The following NCOR1 variants were observed in gnomAD, a reference collection of about 807,000 sequenced individuals.
The protein encoded by NCOR1 is protein phosphatase 1, regulatory subunit 109.
Under a neutral mutation model 288.1 loss-of-function variants are expected in NCOR1, and 63 were observed. The observed-to-expected ratio is 0.22, with a 90% CI of 0.18 to 0.27. The LOEUF is 0.27. Among genes scored for constraint, NCOR1 ranks in the 10% least tolerant of loss-of-function variants. The probability of loss-of-function intolerance (pLI) is 1.00; values close to 1 mark genes in which losing one functional copy is unlikely to be tolerated. For missense variants in NCOR1, 2,397 were observed against 3,019.2 expected (o/e 0.79, Z 4.83); for synonymous variants, 1,007 against 1,065.9 (o/e 0.94, Z 1.08).
At chr17:16,187,857 G>A (rs1213630765) in intron 2 of NCOR1, among the ~76,000 whole-genome samples, 1 of 150,076 alleles carries the variant, frequency 6.7e-6, no homozygotes, top group African/African-American at 2.5e-5. Flanking sequence ...CTCTGATTGT[G>A]CCACTGCACT....
intron 9 of NCOR1, among the ~76,000 whole-genome samples, chr17:16,148,612 GA>G (rs796837576): frequency 2.6e-5 from 2 of 77,402 alleles, no homozygotes; most frequent in African/African-American, 4.8e-5. Context: ...ACTTGGAAAG[GA>G]AAAAAAAATA....
intron 11 of NCOR1, among the ~76,000 whole-genome samples, chr17:16,140,916 G>A (rs192607470): frequency 1.1e-4 from 17 of 151,098 alleles, no homozygotes; most frequent in East Asian, 7.8e-4. Flanking sequence ...ACTTGAGCCC[G>A]GGAGGTGAAG....
At chr17:16,178,467 C>T (rs1006530059) in intron 3 of NCOR1, among the ~76,000 whole-genome samples, 2 of 140,574 alleles carry the variant, frequency 1.4e-5, no homozygotes, top group Non-Finnish European at 3.0e-5. Context: ...CCACTGCACT[C>T]CAGCCTGGGC....
chr17:16,143,401 G>A (rs2077419743), intron 11 of NCOR1, among the ~76,000 whole-genome samples: 1 of 152,096 alleles, frequency 6.6e-6, no homozygotes, highest in Non-Finnish European at 1.5e-5. Flanking sequence ...TCTCCTTGCT[G>A]CCAAAGCCAT....
chr17:16,206,313 T>C (rs2091497729), intron 1 of NCOR1, among the ~76,000 whole-genome samples: 1 of 151,164 alleles, frequency 6.6e-6, no homozygotes, highest in Non-Finnish European at 1.5e-5. Context: ...CACACACAAT[T>C]GTTTACAGCT....
intron 44 of NCOR1, among the ~76,000 whole-genome samples, chr17:16,036,081 C>CAAATGTAT (rs1412682579): frequency 6.6e-6 from 1 of 152,204 alleles, no homozygotes; most frequent in Admixed American, 6.5e-5. Flanking sequence ...CAGCTATTGC[C>CAAATGTAT]TTATGAAATG....
intron 3 of NCOR1, among the ~76,000 whole-genome samples, chr17:16,179,478 A>G (rs188792400): frequency 1.3e-5 from 2 of 152,322 alleles, no homozygotes; most frequent in East Asian, 3.9e-4. Context: ...AGTAATCAAA[A>G]ACTTCTCAAC....
At position 16,058,027 on chromosome 17, in the gene NCOR1, G is replaced by A; in HGVS notation, c.6048C>T (p.His2016=). The change falls in exon 39 of 46, where the codon CAC becomes CAT. Residue 2016 remains histidine (H), a synonymous_variant. Coordinates refer to ENST00000268712, the MANE Select transcript of NCOR1 (RefSeq NM_006311.4). ...ATGGTGATTCCTGCTGTGGTCGATA[G>A]TGATGTAATGGTCCTTCATATTGTC... ...PTRQYEGPLH[H]YRPQQESPSP... 1.9e-6 allele frequency: 3 copies of A among 1,614,156 alleles called. No individual in the cohort carries two copies. The highest frequency in any genetic ancestry group is 2.2e-5 in the East Asian group (1 of 44,878).
chr17:16,195,437 C>T lies in NCOR1; in HGVS notation c.-70-798G>A, dbSNP rs528481496. 2.6e-5 allele frequency among the ~76,000 whole-genome samples: 4 copies of T among 151,746 alleles called. No individual in the cohort carries two copies. The East Asian group carries it at 7.7e-4, about 29-fold the overall frequency. Reference sequence around the variant, plus strand: ...AGTGAGCCGAGATCACGCCATTGCACGCCAGCCGGGGCAACAGAGCAAGAC... The same window carrying T: ...AGTGAGCCGAGATCACGCCATTGCATGCCAGCCGGGGCAACAGAGCAAGAC... On this transcript the variant is annotated intron_variant, in intron 1 of 45. Transcript: ENST00000268712.
chr17:16,061,421 C>A lies in NCOR1; in HGVS notation c.5861G>T (p.Ser1954Ile), dbSNP rs772339184. The change falls in exon 37 of 46, where the codon AGT becomes ATT. Residue 1954 changes from serine (S) to isoleucine (I), a missense_variant. Physicochemically the swap from Ser to Ile is moderately radical, Grantham distance 142 (BLOSUM62 -2). Around this residue, in one of 11 missense-constraint regions of NCOR1, gnomAD observed 1,872 missense variants for 2,187.8 expected, o/e 0.86. Transcript: ENST00000268712. ...CATACAGCTACTAGAAGAGTCTGAA[C>A]TTTGAGAGCCACGTTCCCTCGCATC... ...DKDARERGSQ[S>I]SDSSSSLSSH... is the part of the protein sequence containing the mutation. 3.1e-6 allele frequency: 5 copies of A among 1,613,990 alleles called. No homozygotes were observed. The highest frequency in any genetic ancestry group is 4.2e-6 in the Non-Finnish European group (5 of 1,180,000).
Position 16,151,932 on chromosome 17 carries a change from T to G in NCOR1, c.842+14A>C. ...GTCTTTAATTGAAGAACTCCAAAGA[T>G]GATCAATACTTACGTCTTGATGTTC... On this transcript the variant is annotated intron_variant, in intron 8 of 45. Coordinates refer to ENST00000268712, the MANE Select transcript of NCOR1 (RefSeq NM_006311.4). 6.3e-7 allele frequency: 1 copy of G among 1,581,072 alleles called. No individual in the cohort carries two copies. The highest frequency in any genetic ancestry group is 8.6e-7 in the Non-Finnish European group (1 of 1,157,924).
intron 4 of NCOR1, among the ~76,000 whole-genome samples, chr17:16,169,194 T>G (rs1422418264): frequency 6.6e-6 from 1 of 152,084 alleles, no homozygotes; most frequent in East Asian, 1.9e-4. Context: ...AGGGGGCACA[T>G]TAAAATATTC....
chr17:16,180,739 C>A (rs2085229228), intron 3 of NCOR1, among the ~76,000 whole-genome samples: 1 of 151,924 alleles, frequency 6.6e-6, no homozygotes, highest in Non-Finnish European at 1.5e-5. Context: ...CAGAGCAAGA[C>A]CCTATCTCAA....
intron 26 of NCOR1, among the ~76,000 whole-genome samples, chr17:16,076,689 C>T (rs905430482): frequency 6.6e-6 from 1 of 152,190 alleles, no homozygotes; most frequent in African/African-American, 2.4e-5. Context: ...ATCATGACAT[C>T]CGATGAAAAG....
chr17:16,149,598 G>A, intron 8 of NCOR1, 81 bp from the exon 9 acceptor site: 2 of 548,400 alleles, frequency 3.6e-6, no homozygotes, highest in South Asian at 5.8e-5. Context: ...CAGAGACACT[G>A]GAAAATAGGC....
At position 16,127,111 on chromosome 17, in the gene NCOR1, A is replaced by G. The variant is rs76508774; in HGVS notation, c.1510-905T>C. On this transcript the variant is annotated intron_variant, in intron 14 of 45. Transcript: ENST00000268712. Reference sequence around the variant, plus strand: ...AAGTTTATCATAGGTGTGTGTGTGTATATGTATATATCTGTATGTATATAT... The same window carrying G: ...AAGTTTATCATAGGTGTGTGTGTGTGTATGTATATATCTGTATGTATATAT... 3.5e-5 allele frequency among the ~76,000 whole-genome samples: 5 copies of G among 142,408 alleles called. 2 individuals are homozygous for G. Among genetic ancestry groups the G allele is most frequent in the South Asian group, 2.2e-4 (1 of 4,504 alleles). The allele number at this position is 142,408 out of a possible 152,430, so 93.4% of individuals were successfully genotyped here.
intron 1 of NCOR1, among the ~76,000 whole-genome samples, chr17:16,213,148 A>G (rs2092289485): frequency 2.0e-5 from 3 of 152,082 alleles, no homozygotes; most frequent in Admixed American, 1.3e-4. Flanking sequence ...TTTTTGATTA[A>G]GAGGATAGGC....
rs2153152455 is a variant in NCOR1, at chr17:16,121,162, C to T, written c.1742G>A (p.Arg581His). The change falls in exon 16 of 46, where the codon CGT becomes CAT. Residue 581 changes from arginine to histidine, a missense_variant. Coordinates refer to ENST00000268712, the MANE Select transcript of NCOR1 (RefSeq NM_006311.4). ...GRKTANSQGR[R>H]KGRITRSMTN... ...CATGGACCTGGTGATCCGGCCCTTA[C>T]GGCGGCCCTGACTGTTGGCAGTCTT... is the stretch of plus-strand genomic sequence containing the variant. 1.2e-6 allele frequency: 2 copies of T among 1,614,130 alleles called. No homozygotes were observed. Among genetic ancestry groups the T allele is most frequent in the East Asian group, 2.2e-5 (1 of 44,880 alleles).
At chr17:16,049,207 C>T (rs890392267) in intron 40 of NCOR1, 56 of 345,116 alleles carry the variant, frequency 1.6e-4, no homozygotes, top group Admixed American at 1.2e-3. Flanking sequence ...GACCCATGCG[C>T]GCCCCGTGGA....
Sources: allele counts gnomAD v4.1 joint callset (sites outside exome capture counted in the v4.1 genomes callset), GRCh38; gene constraint gnomAD v4.1.1; regional missense constraint gnomAD v4.1.1; transcripts MANE v1.5; gene names NCBI Gene and HGNC (gene_info 2026-07-23, HGNC 2026-07-21).